The following CD109 variants were observed in gnomAD, a reference collection of about 807,000 sequenced individuals.
CD109 encodes CD109 molecule, also known as CD109 antigen.
In CD109, 149 loss-of-function variants were observed where a neutral mutation model predicts 165.8. The observed-to-expected ratio is 0.90, with a 90% confidence interval of 0.79 to 1.03. The LOEUF (loss-of-function observed/expected upper bound fraction) is 1.03, where lower values mean the gene tolerates loss of function less well. Ranked by LOEUF, CD109 falls within the 50% of genes least tolerant of loss-of-function variation. The pLI is 0.00. For missense variants in CD109, 1,712 were observed against 1,677.8 expected (o/e 1.02, Z -0.36); for synonymous variants, 585 against 592.1 (o/e 0.99, Z 0.18).
intron 5 of CD109, among the ~76,000 whole-genome samples, chr6:73,744,801 T>C (rs1372913202): frequency 6.6e-6 from 1 of 152,208 alleles, no homozygotes; most frequent in Non-Finnish European, 1.5e-5. Context: ...AAGAGACATG[T>C]TTTTGGCATC....
chr6:73,790,851 A>G (rs760213708), intron 22 of CD109, among the ~76,000 whole-genome samples: 14 of 152,188 alleles, frequency 9.2e-5, no homozygotes, highest in Non-Finnish European at 4.4e-5. Flanking sequence ...ACAGACACTC[A>G]GAAGCAATGC....
intron 23 of CD109, among the ~76,000 whole-genome samples, chr6:73,802,257 ATGTG>A (rs533767572): frequency 0.017 from 1,725 of 100,322 alleles, 30 homozygotes; most frequent in Non-Finnish European, 0.023. Flanking sequence ...GCATGTGTAT[ATGTG>A]TGTGTGTGTG....
rs756129560 is a variant in CD109, at chr6:73,785,410, C to G, written c.2270C>G (p.Ser757Cys). 1.7e-5 allele frequency: 27 copies of G among 1,609,758 alleles called. No homozygotes were observed. Among genetic ancestry groups the G allele is most frequent in the Non-Finnish European group, 2.2e-5 (26 of 1,178,006 alleles). The change falls in exon 20 of 33, where the codon TCT becomes TGT. Residue 757 changes from serine to cysteine, a missense_variant. Transcript: ENST00000287097. ...PFFIFLNLPY[S>C]VIRGEEFALE... Reference sequence around the variant, plus strand: ...TTCATTTTTTTGAATCTTCCCTACTCTGTTATCAGAGGTGAAGAATTTGCT... The same window carrying G: ...TTCATTTTTTTGAATCTTCCCTACTGTGTTATCAGAGGTGAAGAATTTGCT...
chr6:73,756,745 G>C, intron 6 of CD109, 63 bp downstream of exon 6: 1 of 1,189,452 alleles, frequency 8.4e-7, no homozygotes. Context: ...AGAGATTAGA[G>C]AAATTTTTAA....
intron 2 of CD109, among the ~76,000 whole-genome samples, chr6:73,719,377 T>G (rs1351510288): frequency 2.0e-5 from 3 of 152,240 alleles, no homozygotes; most frequent in African/African-American, 7.2e-5. Flanking sequence ...TTGATGATTA[T>G]TGCCATTATT....
intron 3 of CD109, among the ~76,000 whole-genome samples, chr6:73,726,102 A>G (rs983716523): frequency 1.4e-4 from 22 of 151,928 alleles, no homozygotes; most frequent in African/African-American, 5.1e-4. Context: ...CAGTGAGAAC[A>G]TACCTGTGAA....
In CD109 at chr6:73,762,382, A is replaced by C; in HGVS notation, c.759-2A>C. ...AAAAAGACTATGTTTATAATTATTCAGGTATACATATGGGAAGCCAGTGAA... is the reference window on the plus strand; with the variant it reads ...AAAAAGACTATGTTTATAATTATTCCGGTATACATATGGGAAGCCAGTGAA... On this transcript the variant is annotated splice_acceptor_variant, in intron 7 of 32. Transcript: ENST00000287097. LOFTEE classifies it high-confidence loss of function. The C allele has an allele frequency of 6.4e-7, 1 of 1,558,342 alleles. No individual in the cohort carries two copies. The highest frequency in any genetic ancestry group is 8.8e-7 in the Non-Finnish European group (1 of 1,132,162).
chr6:73,729,112 C>A (rs1349346311), intron 3 of CD109, among the ~76,000 whole-genome samples: 1 of 152,190 alleles, frequency 6.6e-6, no homozygotes, highest in Non-Finnish European at 1.5e-5. Context: ...ATGTGGGCCT[C>A]TCCACAGACT....
chr6:73,732,268 ATTTG>A (rs2150181984), intron 4 of CD109, among the ~76,000 whole-genome samples: 1 of 152,330 alleles, frequency 6.6e-6, no homozygotes, highest in South Asian at 2.1e-4. Flanking sequence ...TTCTTAGTTT[ATTTG>A]TTGTTATAAA....
At chr6:73,806,809 T>C (rs1775581633) in intron 24 of CD109, 35 bp from the exon 25 acceptor site, 12 of 1,497,288 alleles carry the variant, frequency 8.0e-6, no homozygotes, top group Non-Finnish European at 1.1e-5. Flanking sequence ...CCTTATAAAG[T>C]GTATTTTATG....
intron 2 of CD109, among the ~76,000 whole-genome samples, chr6:73,720,077 G>A (rs1048968298): frequency 2.6e-5 from 4 of 152,070 alleles, no homozygotes; most frequent in Admixed American, 1.3e-4. Context: ...CAATATCTAA[G>A]ATATGGAATC....
intron 4 of CD109, among the ~76,000 whole-genome samples, chr6:73,733,966 G>A (rs940957611): frequency 1.2e-4 from 18 of 152,330 alleles, no homozygotes; most frequent in African/African-American, 4.3e-4. Flanking sequence ...CGAAGGGCAT[G>A]TGGGGCCACT....
chr6:73,697,331 T>C, intron 1 of CD109, 69 bp from the exon 2 acceptor site: 1 of 1,466,088 alleles, frequency 6.8e-7, no homozygotes, highest in Non-Finnish European at 9.4e-7. Context: ...CTAGGAAATC[T>C]GAGGGTCACA....
upstream of CD109, among the ~76,000 whole-genome samples, chr6:73,693,169 C>A (rs530114065): frequency 2.0e-5 from 3 of 151,448 alleles, no homozygotes; most frequent in South Asian, 4.2e-4. Context: ...AAAAAGTTTA[C>A]TTGGCTTACA....
chr6:73,762,257 A>G (rs12661860), intron 7 of CD109, 127 bp from the exon 8 acceptor site: 18,473 of 670,048 alleles, frequency 0.028, 1,053 homozygotes, highest in African/African-American at 0.17. Context: ...CACCGCTCCC[A>G]GCCCAATGTA....
At chr6:73,775,911 T>C (rs1226303469) in intron 15 of CD109, among the ~76,000 whole-genome samples, 1 of 152,244 alleles carries the variant, frequency 6.6e-6, no homozygotes, top group Non-Finnish European at 1.5e-5. Context: ...CTTTATCCAG[T>C]CTATCATTGA....
At chr6:73,713,919 T>TC (rs1209261865) in intron 2 of CD109, among the ~76,000 whole-genome samples, 1 of 151,900 alleles carries the variant, frequency 6.6e-6, no homozygotes, top group Non-Finnish European at 1.5e-5. Flanking sequence ...TTACCACCCC[T>TC]CCCCCGTCGT....
rs1775693757 is a variant in CD109 at position 73,809,968 on chromosome 6, T to C, written c.3356-16T>C. On this transcript the variant is annotated splice_polypyrimidine_tract_variant and intron_variant, in intron 26 of 32. Transcript: ENST00000287097. The stretch of plus-strand genomic sequence containing the variant: ...TCTGGATAATTGATCAGAATGTTAT[T>C]ACTTTTCTCTTGCAGGTGGCATGCA... 2 of 1,577,266 alleles carry C rather than the reference T, an allele frequency of 1.3e-6. No individual in the cohort carries two copies. Among genetic ancestry groups the C allele is most frequent in the Non-Finnish European group, 1.7e-6 (2 of 1,165,120 alleles).
chr6:73,791,180 C>CATATATATATATATAT (rs1562071040), intron 22 of CD109, among the ~76,000 whole-genome samples: 10 of 49,786 alleles, frequency 2.0e-4, no homozygotes, highest in African/African-American at 1.0e-3. Flanking sequence ...TATATATACA[C>CATATATATATATATAT]ACACACACAT....
Sources: allele counts gnomAD v4.1 joint callset (sites outside exome capture counted in the v4.1 genomes callset), GRCh38; gene constraint gnomAD v4.1.1; transcripts MANE v1.5; gene names NCBI Gene and HGNC (gene_info 2026-07-23, HGNC 2026-07-21).